PLCB4: variants seen among roughly 807,000 people sequenced by gnomAD.
PLCB4 encodes the protein phospholipase C beta 4, also known as 1-phosphatidylinositol 4,5-bisphosphate phosphodiesterase beta-4.
A neutral mutation model predicts 178.8 loss-of-function variants in PLCB4; 77 were observed. The observed-to-expected ratio is 0.43, with a 90% CI of 0.36 to 0.52. PLCB4 has a LOEUF of 0.52. Among genes scored for constraint, PLCB4 ranks in the 20% least tolerant of loss-of-function variants. The pLI, the probability that PLCB4 is intolerant of heterozygous loss-of-function variation, is 0.00. For missense variants in PLCB4, 1,024 were observed against 1,453.4 expected (o/e 0.70, Z 4.80); for synonymous variants, 496 against 490.8 (o/e 1.01, Z -0.14).
At chr20:9,188,272 G>A (rs956302168) in intron 2 of PLCB4, among the ~76,000 whole-genome samples, 2 of 152,238 alleles carry the variant, frequency 1.3e-5, no homozygotes, top group African/African-American at 4.8e-5. Context: ...CCTGAAGGTG[G>A]TGAAATAATT....
intron 2 of PLCB4, among the ~76,000 whole-genome samples, chr20:9,184,273 T>C (rs891011741): frequency 6.6e-6 from 1 of 152,210 alleles, no homozygotes; most frequent in Non-Finnish European, 1.5e-5. Flanking sequence ...TAGCTTCTTT[T>C]ATGGCTTTAT....
intron 4 of PLCB4, among the ~76,000 whole-genome samples, chr20:9,334,752 CA>C (rs1405840536): frequency 1.3e-5 from 2 of 151,834 alleles, no homozygotes; most frequent in Non-Finnish European, 2.9e-5. Flanking sequence ...CAGGGATAAT[CA>C]AAAGGGATAT....
intron 1 of PLCB4, among the ~76,000 whole-genome samples, chr20:9,081,155 T>G (rs1568712463): frequency 6.6e-6 from 1 of 152,194 alleles, no homozygotes; most frequent in Admixed American, 6.5e-5. Flanking sequence ...GAGTTTACAG[T>G]TTACTGGAGG....
rs1277317851 is a variant in PLCB4 at position 9,405,316 on chromosome 20, T to C, written c.1615T>C (p.Ser539Pro). ...EAVANSVKKA[S>P]DDLEHENNKK... ...ATTATTTCCTTTCTCTAATTAGGCT[T>C]CAGATGACCTTGAACATGAAAACAA... is the stretch of plus-strand genomic sequence containing the variant. Residue 539 changes from serine (S) to proline (P), a missense_variant, in exon 21 of 40, where the codon TCA becomes CCA. Ser to Pro is a moderately conservative substitution (Grantham distance 74). Around this residue, in one of 7 missense-constraint regions of PLCB4, gnomAD observed 263 missense variants for 417.4 expected, o/e 0.63. Coordinates refer to ENST00000378473, the MANE Select transcript of PLCB4 (RefSeq NM_001377142.1). The C allele has an allele frequency of 6.5e-7, 1 of 1,544,822 alleles. No homozygotes were observed. The highest frequency in any genetic ancestry group is 8.8e-7 in the Non-Finnish European group (1 of 1,136,826).
chr20:9,305,440 C>T (rs1181404421), intron 3 of PLCB4, among the ~76,000 whole-genome samples: 1 of 152,014 alleles, frequency 6.6e-6, no homozygotes, highest in Non-Finnish European at 1.5e-5. Context: ...TTCCCTTTGT[C>T]TCATACTTTG....
At chr20:9,289,878 A>C (rs143617506) in intron 3 of PLCB4, among the ~76,000 whole-genome samples, 209 of 152,236 alleles carry the variant, frequency 1.4e-3, no homozygotes, top group Middle Eastern at 6.8e-3. Flanking sequence ...ACTTCAAAAG[A>C]GTATGTAAAA....
chr20:9,428,577 G>A (rs1312929474), intron 28 of PLCB4, among the ~76,000 whole-genome samples: 4 of 152,130 alleles, frequency 2.6e-5, no homozygotes, highest in Non-Finnish European at 5.9e-5. Flanking sequence ...TTTGAGAAAT[G>A]CTTAATCTTT....
intron 9 of PLCB4, among the ~76,000 whole-genome samples, chr20:9,366,948 A>G (rs1275699474): frequency 6.6e-6 from 1 of 152,220 alleles, no homozygotes; most frequent in Non-Finnish European, 1.5e-5. Context: ...TTTCAGAAAT[A>G]ACCAGGTCAC....
intron 3 of PLCB4, among the ~76,000 whole-genome samples, chr20:9,305,773 T>G (rs2094758398): frequency 6.6e-6 from 1 of 152,210 alleles, no homozygotes; most frequent in African/African-American, 2.4e-5. Context: ...GAACACAGAA[T>G]TTTAAATCCA....
chr20:9,316,005 GA>G (rs1425078112), intron 4 of PLCB4, among the ~76,000 whole-genome samples: 1 of 152,030 alleles, frequency 6.6e-6, no homozygotes, highest in Non-Finnish European at 1.5e-5. Flanking sequence ...CCAAGACATG[GA>G]AACAGCAAAT....
At chr20:9,107,894 T>G (rs978266195) in intron 2 of PLCB4, among the ~76,000 whole-genome samples, 1 of 152,060 alleles carries the variant, frequency 6.6e-6, no homozygotes, top group Non-Finnish European at 1.5e-5. Context: ...TAACGAGGTT[T>G]GGAGGGATGG....
At chr20:9,373,179 C>T in intron 12 of PLCB4, 75 bp downstream of exon 12, 2 of 706,428 alleles carry the variant, frequency 2.8e-6, no homozygotes, top group Non-Finnish European at 5.1e-6. Flanking sequence ...TCATTGCATG[C>T]CTGCATCATA....
At chr20:9,230,781 C>G (rs1056820190) in intron 3 of PLCB4, among the ~76,000 whole-genome samples, 2 of 152,032 alleles carry the variant, frequency 1.3e-5, no homozygotes, top group Admixed American at 1.3e-4. Flanking sequence ...GTAGTTTGGG[C>G]TTGTTCACAT....
At chr20:9,248,418 A>G (rs944875131) in intron 3 of PLCB4, among the ~76,000 whole-genome samples, 9 of 152,170 alleles carry the variant, frequency 5.9e-5, no homozygotes, top group African/African-American at 2.2e-4. Flanking sequence ...TAACTCAAAG[A>G]GTTTCTTAAT....
intron 3 of PLCB4, among the ~76,000 whole-genome samples, chr20:9,282,018 C>G (rs1216478823): frequency 6.6e-6 from 1 of 151,988 alleles, no homozygotes; most frequent in Admixed American, 6.6e-5. Flanking sequence ...TCAGAGCCTA[C>G]TGATTCTTAT....
At chr20:9,403,683 G>C (rs2039216462) in intron 20 of PLCB4, among the ~76,000 whole-genome samples, 1 of 152,184 alleles carries the variant, frequency 6.6e-6, no homozygotes, top group Non-Finnish European at 1.5e-5. Flanking sequence ...TTGAACAGAG[G>C]TTGAATAGTT....
chr20:9,152,739 G>T (rs999621614), intron 2 of PLCB4, among the ~76,000 whole-genome samples: 2 of 152,118 alleles, frequency 1.3e-5, no homozygotes, highest in Admixed American at 1.3e-4. Flanking sequence ...TGGAGTTGTG[G>T]GAAGAAGGCC....
intron 15 of PLCB4, among the ~76,000 whole-genome samples, chr20:9,389,342 G>T (rs1200340247): frequency 6.6e-6 from 1 of 151,894 alleles, no homozygotes; most frequent in Non-Finnish European, 1.5e-5. Flanking sequence ...TAGGAAACAA[G>T]GGATACTGCA....
chr20:9,285,904 A>G (rs1157213139), intron 3 of PLCB4, among the ~76,000 whole-genome samples: 1 of 152,056 alleles, frequency 6.6e-6, no homozygotes, highest in Non-Finnish European at 1.5e-5. Flanking sequence ...AAATAGAACA[A>G]TGCCATAAAT....
Sources: allele counts gnomAD v4.1 joint callset (sites outside exome capture counted in the v4.1 genomes callset), GRCh38; gene constraint gnomAD v4.1.1; regional missense constraint gnomAD v4.1.1; transcripts MANE v1.5; gene names NCBI Gene and HGNC (gene_info 2026-07-23, HGNC 2026-07-21).